The following SPIDR variants were observed in gnomAD, a reference collection of about 807,000 sequenced individuals.
The protein encoded by SPIDR is DNA repair-scaffolding protein.
SPIDR carries 93 observed loss-of-function variants against 104.6 expected under a neutral mutation model. The observed-to-expected ratio is 0.89, with a 90% CI of 0.75 to 1.06. SPIDR has a LOEUF of 1.06. SPIDR is among the 50% of genes least tolerant of loss of function. The probability of loss-of-function intolerance (pLI) is 0.00; values close to 1 mark genes in which losing one functional copy is unlikely to be tolerated. For synonymous variants in SPIDR, 431 were observed against 416.9 expected, an observed-to-expected ratio of 1.03 and a Z score of -0.41; for missense variants, 1,154 against 1,111.2, an observed-to-expected ratio of 1.04 and a Z score of -0.55.
At chr8:47,368,343 C>CAAAAAAAAAAAA (rs34106189) in intron 5 of SPIDR, among the ~76,000 whole-genome samples, 1 of 49,420 alleles carries the variant, frequency 2.0e-5, no homozygotes, top group Non-Finnish European at 3.2e-5. Context: ...GTTGAGAAGT[C>CAAAAAAAAAAAA]AAAAAAAAAA....
At chr8:47,552,367 G>A (rs1477491229) in intron 8 of SPIDR, among the ~76,000 whole-genome samples, 1 of 152,132 alleles carries the variant, frequency 6.6e-6, no homozygotes, top group East Asian at 1.9e-4. Flanking sequence ...TATTTACAGT[G>A]GGGTGTTAAA....
At chr8:47,731,607 C>T (rs904996125) in intron 19 of SPIDR, among the ~76,000 whole-genome samples, 2 of 152,266 alleles carry the variant, frequency 1.3e-5, no homozygotes, top group East Asian at 3.8e-4. Context: ...GAGTGACCAC[C>T]TGCAGAGTTG....
At chr8:47,656,684 C>T (rs888107914) in intron 10 of SPIDR, among the ~76,000 whole-genome samples, 1 of 152,096 alleles carries the variant, frequency 6.6e-6, no homozygotes, top group African/African-American at 2.4e-5. Flanking sequence ...GAATTGAAAA[C>T]GTATATCCAT....
At chr8:47,587,699 A>G (rs1315214176) in intron 8 of SPIDR, among the ~76,000 whole-genome samples, 1 of 151,446 alleles carries the variant, frequency 6.6e-6, no homozygotes, top group Non-Finnish European at 1.5e-5. Flanking sequence ...AAGCTAAAGC[A>G]GGAAGATCAC....
intron 10 of SPIDR, chr8:47,659,710 C>G (rs1171791262): frequency 1.0e-6 from 1 of 984,898 alleles, no homozygotes; most frequent in Non-Finnish European, 1.2e-6. Context: ...CTCTTCTGTC[C>G]CCATGCTCCC....
chr8:47,419,920 T>C (rs1554678661), intron 7 of SPIDR, among the ~76,000 whole-genome samples: 1 of 152,218 alleles, frequency 6.6e-6, no homozygotes, highest in Non-Finnish European at 1.5e-5. Context: ...TCCATGTAGT[T>C]GAGCAGTTTT....
intron 8 of SPIDR, among the ~76,000 whole-genome samples, chr8:47,535,310 C>A (rs866687247): frequency 2.0e-5 from 3 of 152,178 alleles, no homozygotes; most frequent in African/African-American, 7.2e-5. Flanking sequence ...CACTTAAGCA[C>A]TAAGTGCAGG....
intron 7 of SPIDR, among the ~76,000 whole-genome samples, chr8:47,428,631 A>G (rs988599624): frequency 6.6e-6 from 1 of 152,204 alleles, no homozygotes; most frequent in Admixed American, 6.5e-5. Flanking sequence ...TTGTTTTTTT[A>G]GATTTAAGAA....
At chr8:47,491,082 C>A (rs193149628) in intron 8 of SPIDR, among the ~76,000 whole-genome samples, 1 of 152,092 alleles carries the variant, frequency 6.6e-6, no homozygotes, top group African/African-American at 2.4e-5. Context: ...AAAAGCATGC[C>A]TCACATTTCG....
chr8:47,397,580 A>G (rs1022727448), intron 6 of SPIDR, among the ~76,000 whole-genome samples: 1 of 152,190 alleles, frequency 6.6e-6, no homozygotes, highest in Non-Finnish European at 1.5e-5. Flanking sequence ...ATTTCAAAGC[A>G]AAGGAGTTTC....
intron 5 of SPIDR, among the ~76,000 whole-genome samples, chr8:47,324,740 T>C (rs1282091382): frequency 1.3e-5 from 2 of 152,208 alleles, no homozygotes; most frequent in Non-Finnish European, 2.9e-5. Flanking sequence ...GTTGATTATA[T>C]TGCTTTGAGT....
At chr8:47,280,074 C>G in intron 2 of SPIDR, 57 bp downstream of exon 2, 3 of 1,541,960 alleles carry the variant, frequency 1.9e-6, no homozygotes, top group Non-Finnish European at 2.7e-6. Flanking sequence ...CCTGAGTGTT[C>G]AGAACATTGT....
chr8:47,434,107 G>A (rs1413910795), intron 7 of SPIDR, among the ~76,000 whole-genome samples: 1 of 152,198 alleles, frequency 6.6e-6, no homozygotes, highest in Non-Finnish European at 1.5e-5. Context: ...ATAGTAAAAT[G>A]TACACTGAAT....
chr8:47,571,571 A>G (rs2058529640), intron 8 of SPIDR, among the ~76,000 whole-genome samples: 1 of 152,240 alleles, frequency 6.6e-6, no homozygotes, highest in Admixed American at 6.5e-5. Context: ...TGCAAATTTA[A>G]TTAATATATA....
Position 47,407,887 on chromosome 8 carries a change from G to T in SPIDR, c.803G>T (p.Gly268Val). The stretch of plus-strand genomic sequence containing the variant: ...GGTGGACTAGCAGAAAGACTAAATG[G>T]ACTGCAGAATCGAGAGAGATCTGCT... Reference protein sequence around the residue: ...LRGGLAERLNGLQNRERSAIS... With the variant: ...LRGGLAERLNVLQNRERSAIS... Residue 268 changes from glycine to valine, a missense_variant, in exon 7 of 20, where the codon GGA becomes GTA. Physicochemically the swap from Gly to Val is moderately radical, Grantham distance 109. Coordinates refer to ENST00000297423, the MANE Select transcript of SPIDR (RefSeq NM_001080394.4). The T allele has an allele frequency of 6.2e-7, 1 of 1,602,174 alleles. No homozygotes were observed. The highest frequency in any genetic ancestry group is 1.1e-5 in the South Asian group (1 of 89,690).
intron 8 of SPIDR, among the ~76,000 whole-genome samples, chr8:47,455,058 G>T (rs1479267015): frequency 6.6e-6 from 1 of 152,048 alleles, no homozygotes; most frequent in South Asian, 2.1e-4. Context: ...AAAGAGTATT[G>T]GTCAAGGTAG....
At chr8:47,559,106 A>C (rs1482446419) in intron 8 of SPIDR, among the ~76,000 whole-genome samples, 2 of 152,088 alleles carry the variant, frequency 1.3e-5, no homozygotes, top group Non-Finnish European at 2.9e-5. Flanking sequence ...CTCTTGTTTC[A>C]TTTCTCTAGT....
At chr8:47,307,023 C>T (rs1554581798) in intron 5 of SPIDR, among the ~76,000 whole-genome samples, 3 of 152,132 alleles carry the variant, frequency 2.0e-5, no homozygotes, top group Non-Finnish European at 4.4e-5. Flanking sequence ...AATCCTCCTC[C>T]ATTCTGTCAA....
At chr8:47,425,963 G>A (rs1398768770) in intron 7 of SPIDR, among the ~76,000 whole-genome samples, 2 of 152,114 alleles carry the variant, frequency 1.3e-5, no homozygotes, top group Admixed American at 6.5e-5. Flanking sequence ...AATAGAAATA[G>A]GCTGGGCACG....
Sources: allele counts gnomAD v4.1 joint callset (sites outside exome capture counted in the v4.1 genomes callset), GRCh38; gene constraint gnomAD v4.1.1; transcripts MANE v1.5; gene names NCBI Gene and HGNC (gene_info 2026-07-23, HGNC 2026-07-21).